Variants in KATNIP observed in about 807,000 individuals in gnomAD.
The protein encoded by KATNIP is katanin-interacting protein.
In KATNIP, 126 loss-of-function variants were observed where a neutral mutation model predicts 174.0. The ratio of observed to expected loss-of-function variants is 0.72; its 90% CI spans 0.63 to 0.84. The LOEUF (loss-of-function observed/expected upper bound fraction) is 0.84, where lower values mean the gene tolerates loss of function less well. KATNIP is among the 40% of genes least tolerant of loss of function. KATNIP has a pLI of 0.00. For missense variants in KATNIP, 1,958 were observed against 2,109.7 expected (o/e 0.93, Z 1.41); for synonymous variants, 810 against 835.7 (o/e 0.97, Z 0.53).
At chr16:27,702,942 A>C (rs1436426647) in intron 11 of KATNIP, among the ~76,000 whole-genome samples, 1 of 152,148 alleles carries the variant, frequency 6.6e-6, no homozygotes, top group Non-Finnish European at 1.5e-5. Context: ...CCAGGTGGGC[A>C]AATCACCTGA....
chr16:27,713,684 G>A (rs796117973), intron 13 of KATNIP, among the ~76,000 whole-genome samples: 3 of 130,622 alleles, frequency 2.3e-5, no homozygotes, highest in Non-Finnish European at 3.3e-5. Flanking sequence ...ATATATATGT[G>A]TGTGTATATA....
intron 3 of KATNIP, among the ~76,000 whole-genome samples, chr16:27,627,627 T>C (rs2076373713): frequency 6.6e-6 from 1 of 152,264 alleles, no homozygotes; most frequent in Admixed American, 6.5e-5. Flanking sequence ...CCGCTCGTAC[T>C]GCGAATAATG....
chr16:27,608,828 G>A (rs985104192), intron 2 of KATNIP, among the ~76,000 whole-genome samples: 5 of 152,144 alleles, frequency 3.3e-5, no homozygotes, highest in African/African-American at 7.2e-5. Flanking sequence ...TGGACCTTCC[G>A]CTGTAGGTCA....
intron 2 of KATNIP, among the ~76,000 whole-genome samples, chr16:27,578,032 T>C (rs1023155075): frequency 6.6e-6 from 1 of 152,180 alleles, no homozygotes; most frequent in African/African-American, 2.4e-5. Flanking sequence ...ACTAACCCAA[T>C]GTCCAGGCCT....
intron 2 of KATNIP, among the ~76,000 whole-genome samples, chr16:27,604,927 G>C (rs2075652953): frequency 1.3e-5 from 2 of 152,046 alleles, no homozygotes; most frequent in Admixed American, 6.6e-5. Flanking sequence ...TTCAAGTTTT[G>C]TTGTTGTTGT....
chr16:27,580,909 A>C (rs1456788407), intron 2 of KATNIP, among the ~76,000 whole-genome samples: 1 of 151,916 alleles, frequency 6.6e-6, no homozygotes, highest in Non-Finnish European at 1.5e-5. Flanking sequence ...CTGGAAAAGC[A>C]CTCTATAATC....
chr16:27,776,559 C>A lies in KATNIP; in HGVS notation c.4450-369C>A, dbSNP rs1208201637. 6.6e-6 allele frequency among the ~76,000 whole-genome samples: 1 copy of A among 152,170 alleles called. No homozygotes were observed. Among genetic ancestry groups the A allele is most frequent in the Non-Finnish European group, 1.5e-5 (1 of 68,046 alleles). ...GCTGATCACCATGGCTGGTGCTCAA[C>A]CCGAGTTGGGGACTGTCCCTTTAGC... is the stretch of plus-strand genomic sequence containing the variant. On this transcript the variant is annotated intron_variant, in intron 24 of 27. Transcript: ENST00000261588. This position sits in a 1 kb window ranked among gnomAD's most constrained non-coding sequence, Gnocchi z 4.7.
At position 27,740,913 on chromosome 16, in the gene KATNIP, C is replaced by A; in HGVS notation, c.2616C>A (p.Ala872=). The A allele has an allele frequency of 6.3e-7, 1 of 1,592,204 alleles. No homozygotes were observed. Among genetic ancestry groups the A allele is most frequent in the Non-Finnish European group, 8.5e-7 (1 of 1,169,832 alleles). The change falls in exon 15 of 28, where the codon GCC becomes GCA. Residue 872 remains alanine (A), a synonymous_variant. Coordinates refer to ENST00000261588, the MANE Select transcript of KATNIP (RefSeq NM_015202.5). ...GSSSHGDDQP[A]SREDTWSSRT... ...GTAGTCATGGGGACGACCAGCCAGC[C>A]AGCAGAGGTAAGCTCCAAAGAGCAG...
At chr16:27,738,162 G>A (rs1224397783) in intron 14 of KATNIP, among the ~76,000 whole-genome samples, 3 of 152,188 alleles carry the variant, frequency 2.0e-5, no homozygotes, top group Non-Finnish European at 2.9e-5. Context: ...GTGACTGAAA[G>A]AGCCGAGCAA....
At chr16:27,761,249 A>C (rs1054673205) in intron 18 of KATNIP, among the ~76,000 whole-genome samples, 164 bp from the exon 19 acceptor site, 3 of 152,240 alleles carry the variant, frequency 2.0e-5, no homozygotes, top group Non-Finnish European at 2.9e-5. Context: ...CCTGGGCCCA[A>C]GGCCACCTAG....
At chr16:27,701,297 A>G (rs755979828) in intron 10 of KATNIP, 5 of 231,042 alleles carry the variant, frequency 2.2e-5, no homozygotes, top group Non-Finnish European at 3.5e-5. Context: ...TGCTACAGTT[A>G]CAAGCATGAA....
intron 8 of KATNIP, among the ~76,000 whole-genome samples, chr16:27,682,615 T>C (rs1296942915): frequency 6.6e-6 from 1 of 152,116 alleles, no homozygotes; most frequent in Non-Finnish European, 1.5e-5. Context: ...ATGAGATTAG[T>C]TGTGACTTTC....
intron 1 of KATNIP, among the ~76,000 whole-genome samples, chr16:27,561,237 G>A (rs548789551): frequency 2.6e-5 from 4 of 151,130 alleles, no homozygotes; most frequent in South Asian, 2.1e-4. Flanking sequence ...TGGTCAGGCC[G>A]GTCTTGAACT....
rs529134964 is a variant in KATNIP, at chr16:27,750,215, C to T, written c.3255C>T (p.Ser1085=). 3.1e-6 allele frequency: 5 copies of T among 1,614,112 alleles called. No individual in the cohort carries two copies. In the South Asian group the frequency reaches 3.3e-5, roughly 11 times the overall value. Residue 1085 remains serine, a synonymous_variant, in exon 16 of 28, where the codon TCC becomes TCT. Transcript: ENST00000261588. ...ACTACAATAAATCTCGGATACATTC[C>T]TTCCGAGGCGTGAAGGACATCACAA... The part of the protein sequence containing the change: ...IWNYNKSRIH[S]FRGVKDITML...
At chr16:27,757,851 A>C (rs1268319553) in intron 18 of KATNIP, among the ~76,000 whole-genome samples, 1 of 152,174 alleles carries the variant, frequency 6.6e-6, no homozygotes, top group Non-Finnish European at 1.5e-5. Context: ...AATACGGCCA[A>C]TCCTATTAAT....
intron 15 of KATNIP, among the ~76,000 whole-genome samples, chr16:27,748,325 A>G (rs769624928): frequency 2.6e-4 from 39 of 152,226 alleles, no homozygotes; most frequent in Non-Finnish European, 4.6e-4. Context: ...TTACGCCTGT[A>G]ATCCCAGCAC....
At chr16:27,759,396 C>T (rs748610837) in intron 18 of KATNIP, among the ~76,000 whole-genome samples, 1 of 152,188 alleles carries the variant, frequency 6.6e-6, no homozygotes, top group Non-Finnish European at 1.5e-5. Context: ...AACACTGACT[C>T]ATGCTGAGAA....
rs1403061509 is a variant in KATNIP at position 27,655,121 on chromosome 16, G to A, written c.540+6386G>A. On this transcript the variant is annotated intron_variant, in intron 6 of 27. Coordinates refer to ENST00000261588, the MANE Select transcript of KATNIP (RefSeq NM_015202.5). Reference sequence around the variant, plus strand: ...GTCTGCCTGGATGACAAAGAGAGAAGCTGTCTCAAAACAAATATACAAACA... The same window carrying A: ...GTCTGCCTGGATGACAAAGAGAGAAACTGTCTCAAAACAAATATACAAACA... Among the ~76,000 whole-genome samples, 6 of 135,198 alleles carry A rather than the reference G, an allele frequency of 4.4e-5. 1 individual carries two copies. Among genetic ancestry groups the A allele is most frequent in the Admixed American group, 1.6e-4 (2 of 12,322 alleles). 88.7% of individuals were successfully genotyped at this position (135,198 alleles called of 152,430 possible). A position where few individuals can be genotyped will look rare whatever the true frequency, so the allele number is the denominator to read the frequency against.
chr16:27,753,332 C>T (rs2081589798), intron 17 of KATNIP, among the ~76,000 whole-genome samples: 1 of 152,194 alleles, frequency 6.6e-6, no homozygotes, highest in Non-Finnish European at 1.5e-5. Flanking sequence ...CCTGATTCGA[C>T]CCAGGGGTCT....
Sources: gnomAD v4.1 joint callset for allele counts (sites outside exome capture counted in the v4.1 genomes callset) on GRCh38, gnomAD v4.1.1 for gene constraint, Gnocchi (gnomAD v3.1) non-coding constraint, MANE v1.5 for transcripts, NCBI Gene and HGNC (gene_info 2026-07-23, HGNC 2026-07-21) for gene names.